Variants in LRRC18 observed in about 807,000 individuals in gnomAD.
The protein encoded by LRRC18 is leucine-rich repeat-containing protein 18.
A neutral mutation model predicts 11.2 loss-of-function variants in LRRC18; 12 were observed. The ratio of observed to expected loss-of-function variants is 1.07; its 90% CI spans 0.69 to 1.74. The LOEUF (loss-of-function observed/expected upper bound fraction) is 1.74. Ranked by LOEUF, LRRC18 falls within the 40% of genes most tolerant of loss-of-function variation. LRRC18 has a pLI of 0.00. For synonymous variants in LRRC18, 155 were observed against 130.6 expected (o/e 1.19, Z -1.27); for missense variants, 374 against 330.5 (o/e 1.13, Z -1.02).
At chr10:48,914,699 A>T (rs1838342972), upstream of LRRC18, among the ~76,000 whole-genome samples, 1 of 152,214 alleles carries the variant, frequency 6.6e-6, no homozygotes, top group South Asian at 2.1e-4. Context: ...GTGGGTACTA[A>T]GACCAACTTC....
the LRRC18 span, among the ~76,000 whole-genome samples, chr10:48,924,255 A>G: frequency 6.6e-6 from 1 of 152,142 alleles, no homozygotes; most frequent in African/African-American, 2.4e-5. Context: ...CCTCTCAGTT[A>G]TAGAAGGCAG....
the LRRC18 span, among the ~76,000 whole-genome samples, chr10:48,920,771 T>C: frequency 1.4e-4 from 22 of 152,202 alleles, no homozygotes; most frequent in Non-Finnish European, 2.6e-4. Flanking sequence ...CACAGAATTT[T>C]AAAAAGATTC....
exon 1 of LRRC18, chr10:48,913,693 G>A (rs1056830264): frequency 3.1e-6 from 5 of 1,613,024 alleles, no homozygotes; most frequent in Non-Finnish European, 4.2e-6. Context: ...TTGTTCAGTA[G>A]GTTGTCATGG....
chr10:48,914,290 C>G (rs904604625), upstream of LRRC18: 5 of 902,798 alleles, frequency 5.5e-6, no homozygotes, highest in Admixed American at 2.8e-5. Context: ...TGGGCTCCCC[C>G]ACGTCATGAC....
intron 1 of LRRC18, among the ~76,000 whole-genome samples, chr10:48,911,104 T>C (rs17699932): frequency 0.048 from 7,277 of 152,304 alleles, 247 homozygotes; most frequent in Middle Eastern, 0.095. Flanking sequence ...AAATAGCAGA[T>C]TGGCTCCCTT....
chr10:48,934,687 G>A, the LRRC18 span, among the ~76,000 whole-genome samples: 7 of 152,314 alleles, frequency 4.6e-5, no homozygotes, highest in Middle Eastern at 3.4e-3. Context: ...ATTACAGTAA[G>A]CGGTAATCAG....
chr10:48,910,871 C>T (rs1358066724), intron 1 of LRRC18: 1 of 982,972 alleles, frequency 1.0e-6, no homozygotes, highest in African/African-American at 1.8e-5. Context: ...ACCAGCAAAC[C>T]CTGGGCACCA....
the LRRC18 span, among the ~76,000 whole-genome samples, chr10:48,932,334 A>G: frequency 6.6e-6 from 1 of 152,228 alleles, no homozygotes; most frequent in Non-Finnish European, 1.5e-5. Context: ...TCTCAGATGG[A>G]GGAGTTGGAG....
intron 1 of LRRC18, 150 bp downstream of exon 3, chr10:48,913,242 G>T (rs771854184): frequency 4.1e-6 from 3 of 739,782 alleles, no homozygotes; most frequent in Non-Finnish European, 6.8e-6. Context: ...ACAATCACAC[G>T]CCGAGAAAGT....
chr10:48,932,690 G>T, the LRRC18 span: 1 of 151,824 alleles, frequency 6.6e-6, no homozygotes, highest in African/African-American at 2.4e-5. Flanking sequence ...AAACCAAGGA[G>T]CATTTCAGTT....
the LRRC18 span, among the ~76,000 whole-genome samples, chr10:48,923,506 A>ATATATATATATATATGTATG: frequency 0.044 from 5,048 of 115,014 alleles, 638 homozygotes; most frequent in Middle Eastern, 0.085. Flanking sequence ...GTATATATAT[A>ATATATATATATATATGTATG]TATATATGTC....
At chr10:48,938,747 A>G in the LRRC18 span, among the ~76,000 whole-genome samples, 1 of 152,202 alleles carries the variant, frequency 6.6e-6, no homozygotes, top group Non-Finnish European at 1.5e-5. Flanking sequence ...TTGGTTAAAA[A>G]TGAAGCAGGA....
chr10:48,923,595 T>C, the LRRC18 span, among the ~76,000 whole-genome samples: 2 of 151,472 alleles, frequency 1.3e-5, no homozygotes, highest in African/African-American at 4.9e-5. Flanking sequence ...TTCATTTATC[T>C]ATGGTCATTA....
At chr10:48,934,852 A>G in the LRRC18 span, among the ~76,000 whole-genome samples, 3 of 152,170 alleles carry the variant, frequency 2.0e-5, no homozygotes, top group Non-Finnish European at 1.5e-5. Context: ...CAGACTTTGG[A>G]GAGAGGATCC....
chr10:48,927,034 C>G, the LRRC18 span, among the ~76,000 whole-genome samples: 8 of 152,198 alleles, frequency 5.3e-5, no homozygotes, highest in Admixed American at 5.2e-4. Context: ...ACCAGAGAGG[C>G]AGTGACCTCT....
At chr10:48,913,593 A>C in exon 1 of LRRC18, 1 of 1,613,990 alleles carries the variant, frequency 6.2e-7, no homozygotes, top group African/African-American at 1.3e-5. Context: ...GGAGTCTATG[A>C]ATATTTCCGA....
the LRRC18 span, among the ~76,000 whole-genome samples, chr10:48,933,707 G>T: frequency 1.3e-5 from 2 of 152,186 alleles, no homozygotes; most frequent in African/African-American, 4.8e-5. Context: ...CTGAAAAATT[G>T]GCAGTGAATT....
At chr10:48,917,084 A>G (rs546763022), upstream of LRRC18, among the ~76,000 whole-genome samples, 3 of 152,348 alleles carry the variant, frequency 2.0e-5, no homozygotes, top group East Asian at 5.8e-4. Context: ...CATGCTGTAC[A>G]GGTCTGTAGC....
At chr10:48,919,634 C>T in the LRRC18 span, among the ~76,000 whole-genome samples, 1 of 152,182 alleles carries the variant, frequency 6.6e-6, no homozygotes, top group South Asian at 2.1e-4. Flanking sequence ...TGTTTTCTTG[C>T]CGTGTCCTCA....
Sources: allele counts gnomAD v4.1 joint callset (sites outside exome capture counted in the v4.1 genomes callset), GRCh38; gene constraint gnomAD v4.1.1; transcripts MANE v1.5; gene names NCBI Gene and HGNC (gene_info 2026-07-23, HGNC 2026-07-21).